Variants in KCNJ1 observed in about 807,000 individuals in gnomAD.
KCNJ1 encodes the protein ATP-sensitive inward rectifier potassium channel 1.
KCNJ1 carries 24 observed loss-of-function variants against 21.9 expected under a neutral mutation model. The observed-to-expected ratio is 1.10, with a 90% confidence interval of 0.79 to 1.54. KCNJ1 has a LOEUF of 1.54. KCNJ1 is among the 40% of genes most tolerant of loss of function. The pLI, the probability that KCNJ1 is intolerant of heterozygous loss-of-function variation, is 0.00. For missense variants in KCNJ1, 457 were observed against 455.4 expected, an observed-to-expected ratio of 1.00 and a Z score of -0.03; for synonymous variants, 152 against 160.9, an observed-to-expected ratio of 0.94 and a Z score of 0.42.
Position 128,851,700 on chromosome 11 carries a change from G to A in KCNJ1, c.-191-810C>T, listed in dbSNP as rs1385914304. The stretch of plus-strand genomic sequence containing the variant: ...GGAATGGATTCCATGTGGACGGGAG[G>A]CCTGAACATGCTTTACCGAGCGTCT... On this transcript the variant is annotated intron_variant, in intron 1 of 2. Transcript: ENST00000392666. Among the ~76,000 whole-genome samples the A allele has an allele frequency of 2.6e-5, 4 of 152,330 alleles. No individual in the cohort carries two copies. The East Asian group carries it at 7.7e-4, about 29-fold the overall frequency.
At chr11:128,859,908 T>C (rs1943668241) in intron 1 of KCNJ1, among the ~76,000 whole-genome samples, 1 of 152,248 alleles carries the variant, frequency 6.6e-6, no homozygotes, top group East Asian at 1.9e-4. Flanking sequence ...CCTTGAAAAG[T>C]ACCCGTAAGT....
At chr11:128,851,105 C>T (rs1401867644) in intron 1 of KCNJ1, among the ~76,000 whole-genome samples, 2 of 152,218 alleles carry the variant, frequency 1.3e-5, no homozygotes, top group Non-Finnish European at 2.9e-5. Flanking sequence ...CTAACTAGCC[C>T]ATTCTAGTTT....
At position 128,840,258 on chromosome 11, in the gene KCNJ1, C is replaced by A. The variant is rs751637606; in HGVS notation, c.-15G>T. The A allele has an allele frequency of 1.2e-6, 2 of 1,614,092 alleles. No individual in the cohort carries two copies. The highest frequency in any genetic ancestry group is 1.7e-6 in the Non-Finnish European group (2 of 1,179,998). ...TGTTTGAACATACTTTCTGTCAACA[C>A]CCTGATCTGAAAACACATCAAAGAA... is the stretch of plus-strand genomic sequence containing the variant. On this transcript the variant is annotated 5_prime_UTR_variant, in exon 3 of 3. Transcript: ENST00000392666.
At chr11:128,842,100 TA>T (rs1943292559) in intron 2 of KCNJ1, among the ~76,000 whole-genome samples, 1 of 152,368 alleles carries the variant, frequency 6.6e-6, no homozygotes, top group East Asian at 1.9e-4. Flanking sequence ...TAGTAAATTC[TA>T]AAACCAACAT....
intron 1 of KCNJ1, among the ~76,000 whole-genome samples, chr11:128,865,370 A>G (rs1223824988): frequency 6.6e-6 from 1 of 152,164 alleles, no homozygotes; most frequent in Non-Finnish European, 1.5e-5. Context: ...CCTGCCCTCT[A>G]GAGCAAAGCA....
rs531073510 is a variant in KCNJ1, at chr11:128,856,312, C to G, written c.-191-5422G>C. Among the ~76,000 whole-genome samples the G allele has an allele frequency of 2.0e-5, 3 of 152,334 alleles. No individual in the cohort carries two copies. The East Asian group carries it at 5.8e-4, about 29-fold the overall frequency. Reference sequence around the variant, plus strand: ...AACTGAATTTCCTCTGAGGTTAGCACGACCAGCCTTCCAGACCCGGAGGCA... The same window carrying G: ...AACTGAATTTCCTCTGAGGTTAGCAGGACCAGCCTTCCAGACCCGGAGGCA... On this transcript the variant is annotated intron_variant, in intron 1 of 2. Coordinates refer to ENST00000392666, the MANE Select transcript of KCNJ1 (RefSeq NM_153766.3).
chr11:128,845,564 T>C (rs1565524888), intron 2 of KCNJ1, among the ~76,000 whole-genome samples: 2 of 152,186 alleles, frequency 1.3e-5, no homozygotes, highest in Non-Finnish European at 2.9e-5. Context: ...ACTTATCACA[T>C]CCAGAACCTG....
chr11:128,847,982 C>T (rs913838954), intron 2 of KCNJ1, among the ~76,000 whole-genome samples: 2 of 152,078 alleles, frequency 1.3e-5, no homozygotes, highest in Non-Finnish European at 2.9e-5. Flanking sequence ...GATCCTCCTG[C>T]CTCAGCCTCA....
intron 1 of KCNJ1, among the ~76,000 whole-genome samples, chr11:128,855,894 G>A (rs1226732596): frequency 6.6e-6 from 1 of 152,196 alleles, no homozygotes; most frequent in Non-Finnish European, 1.5e-5. Flanking sequence ...CTGGATTTGG[G>A]CAGGCAGCTC....
chr11:128,856,251 T>C (rs1943587995), intron 1 of KCNJ1, among the ~76,000 whole-genome samples: 1 of 136,844 alleles, frequency 7.3e-6, no homozygotes, highest in South Asian at 2.3e-4. Flanking sequence ...AATGATGAGA[T>C]TAGGTTAGAC....
At chr11:128,866,471 G>A (rs540136343) in intron 1 of KCNJ1, 69 of 682,962 alleles carry the variant, frequency 1.0e-4, no homozygotes, top group African/African-American at 9.7e-4. Context: ...CCTTTTAAGC[G>A]TCTATGCACC....
At chr11:128,865,888 A>C (rs1261584515) in intron 1 of KCNJ1, among the ~76,000 whole-genome samples, 1 of 152,226 alleles carries the variant, frequency 6.6e-6, no homozygotes, top group Non-Finnish European at 1.5e-5. Context: ...ACCAAAAGTC[A>C]TTAAAGCATT....
At chr11:128,845,518 C>T (rs537627002) in intron 2 of KCNJ1, among the ~76,000 whole-genome samples, 68 of 152,284 alleles carry the variant, frequency 4.5e-4, no homozygotes, top group African/African-American at 1.5e-3. Context: ...GTTCAGAGCC[C>T]CGAGAAGCAG....
chr11:128,856,997 T>A (rs780515427), intron 1 of KCNJ1, among the ~76,000 whole-genome samples: 45 of 152,078 alleles, frequency 3.0e-4, no homozygotes, highest in Admixed American at 3.3e-4. Context: ...TTCCCCCTGT[T>A]CTGATGACCT....
chr11:128,865,536 T>C (rs1345270421), intron 1 of KCNJ1, among the ~76,000 whole-genome samples: 1 of 152,172 alleles, frequency 6.6e-6, no homozygotes, highest in Admixed American at 6.6e-5. Context: ...AAGACAATAG[T>C]CATCACTGGC....
intron 1 of KCNJ1, chr11:128,866,526 T>C (rs1943818134): frequency 2.0e-6 from 2 of 976,224 alleles, no homozygotes; most frequent in Non-Finnish European, 2.4e-6. Flanking sequence ...TCCATACCTG[T>C]TCAGAGCAGA....
In KCNJ1 at chr11:128,840,088, C is replaced by G. The variant is rs141393013; in HGVS notation, c.156G>C (p.Thr52=). The G allele has an allele frequency of 6.2e-7, 1 of 1,614,124 alleles. No homozygotes were observed. Among genetic ancestry groups the G allele is most frequent in the South Asian group, 1.1e-5 (1 of 91,070 alleles). ...TGTATCTCCACTTGAGGTCAAGTAC[C>G]GTTGTCCAGATGTCCACAAAGAATA... is the stretch of plus-strand genomic sequence containing the variant. ...RFIFFVDIWT[T]VLDLKWRYKM... Residue 52 remains threonine, a synonymous_variant, in exon 3 of 3, where the codon ACG becomes ACC. Coordinates refer to ENST00000392666, the MANE Select transcript of KCNJ1 (RefSeq NM_153766.3).
chr11:128,866,212 A>G (rs1172931515), intron 1 of KCNJ1, among the ~76,000 whole-genome samples: 4 of 152,182 alleles, frequency 2.6e-5, no homozygotes, highest in Non-Finnish European at 4.4e-5. Flanking sequence ...CGAAGATTCA[A>G]CCAAAGATTC....
At chr11:128,846,240 A>G (rs1196290884) in intron 2 of KCNJ1, among the ~76,000 whole-genome samples, 1 of 152,194 alleles carries the variant, frequency 6.6e-6, no homozygotes, top group Non-Finnish European at 1.5e-5. Flanking sequence ...CTTTGCTGAT[A>G]CAGGTGAGTT....
Sources: allele counts gnomAD v4.1 joint callset (sites outside exome capture counted in the v4.1 genomes callset), GRCh38; gene constraint gnomAD v4.1.1; transcripts MANE v1.5; gene names NCBI Gene and HGNC (gene_info 2026-07-23, HGNC 2026-07-21).